STAT4: variants seen among roughly 807,000 people sequenced by gnomAD.
STAT4 encodes the protein signal transducer and activator of transcription 4.
STAT4 carries 42 observed loss-of-function variants against 110.5 expected under a neutral mutation model. The observed-to-expected ratio is 0.38, with a 90% confidence interval of 0.30 to 0.49. STAT4 has a LOEUF of 0.49. Among genes scored for constraint, STAT4 ranks in the 20% least tolerant of loss-of-function variants. The probability of loss-of-function intolerance (pLI) is 0.95; values close to 1 mark genes in which losing one functional copy is unlikely to be tolerated. For synonymous variants in STAT4, 284 were observed against 302.2 expected, an observed-to-expected ratio of 0.94 and a Z score of 0.63; for missense variants, 632 against 887.9, an observed-to-expected ratio of 0.71 and a Z score of 3.66.
chr2:191,067,358 A>G (rs569578207), intron 6 of STAT4, among the ~76,000 whole-genome samples: 1 of 152,144 alleles, frequency 6.6e-6, no homozygotes, highest in East Asian at 1.9e-4. Flanking sequence ...TCTACCTAGA[A>G]ACTGGACCCC....
At chr2:191,054,827 T>C (rs1696633091) in intron 13 of STAT4, among the ~76,000 whole-genome samples, 1 of 152,224 alleles carries the variant, frequency 6.6e-6, no homozygotes, top group Non-Finnish European at 1.5e-5. Flanking sequence ...TCAGAATCTA[T>C]ACAGCACTCC....
intron 14 of STAT4, among the ~76,000 whole-genome samples, chr2:191,047,433 G>A (rs1406731536): frequency 1.3e-5 from 2 of 152,146 alleles, no homozygotes; most frequent in East Asian, 3.8e-4. Context: ...CTGAATTGGG[G>A]GCAGACTTGT....
At chr2:191,127,029 C>T (rs1698900196) in intron 3 of STAT4, among the ~76,000 whole-genome samples, 1 of 151,842 alleles carries the variant, frequency 6.6e-6, no homozygotes, top group Non-Finnish European at 1.5e-5. Flanking sequence ...CTTATGTTGA[C>T]CAGGCTGGAG....
chr2:191,040,527 G>A (rs138817505), intron 15 of STAT4, among the ~76,000 whole-genome samples: 73 of 151,984 alleles, frequency 4.8e-4, no homozygotes, highest in Non-Finnish European at 8.8e-4. Context: ...TATAAAGTTC[G>A]TAATACTCTT....
intron 3 of STAT4, among the ~76,000 whole-genome samples, chr2:191,079,540 A>G (rs566932675): frequency 1.8e-4 from 28 of 152,064 alleles, no homozygotes; most frequent in Middle Eastern, 3.4e-3. Flanking sequence ...TCTGATTCTA[A>G]TGCTTTTGTA....
At chr2:191,064,409 C>T (rs1696929561) in intron 8 of STAT4, among the ~76,000 whole-genome samples, 1 of 152,086 alleles carries the variant, frequency 6.6e-6, no homozygotes, top group Non-Finnish European at 1.5e-5. Flanking sequence ...TATCCCTGAC[C>T]CACATCTTTA....
chr2:191,103,643 CATT>C (rs1412879271), intron 3 of STAT4, among the ~76,000 whole-genome samples: 1 of 151,988 alleles, frequency 6.6e-6, no homozygotes, highest in African/African-American at 2.4e-5. Context: ...AAATGGTAGT[CATT>C]ATTATGGTTA....
intron 3 of STAT4, among the ~76,000 whole-genome samples, chr2:191,089,249 CA>C (rs1212456473): frequency 1.3e-5 from 2 of 151,960 alleles, no homozygotes; most frequent in Non-Finnish European, 2.9e-5. Flanking sequence ...GGCCAAATAC[CA>C]TAATAGATGT....
intron 3 of STAT4, among the ~76,000 whole-genome samples, chr2:191,130,736 T>G (rs1244090543): frequency 6.6e-6 from 1 of 151,780 alleles, no homozygotes; most frequent in Non-Finnish European, 1.5e-5. Context: ...TGATTTCTTT[T>G]AATTTGTGGT....
chr2:191,039,699 C>T lies in STAT4; in HGVS notation c.1336-402G>A, dbSNP rs1021759074. On this transcript the variant is annotated intron_variant, in intron 15 of 23. Transcript: ENST00000392320. This position sits in a 1 kb window ranked among gnomAD's most constrained non-coding sequence, Gnocchi z 4.7. ...AGTTTATCTCTGGAATGAATCAGTA[C>T]CTTCAAATTATGACCTAACACCTAA... Among the ~76,000 whole-genome samples, 2 of 152,142 alleles carry T rather than the reference C, an allele frequency of 1.3e-5. No individual in the cohort carries two copies. The highest frequency in any genetic ancestry group is 2.9e-5 in the Non-Finnish European group (2 of 68,026).
At chr2:191,111,077 C>T (rs751911217) in intron 3 of STAT4, among the ~76,000 whole-genome samples, 3 of 152,054 alleles carry the variant, frequency 2.0e-5, no homozygotes, top group Non-Finnish European at 2.9e-5. Flanking sequence ...TGAGCCACCA[C>T]GGCCAGTGAA....
rs565367612 is a variant in STAT4, at chr2:191,112,245, T to C, written c.273+34368A>G. Among the ~76,000 whole-genome samples the C allele has an allele frequency of 2.0e-5, 3 of 152,292 alleles. No homozygotes were observed. Among genetic ancestry groups the C allele is most frequent in the African/African-American group, 7.2e-5 (3 of 41,560 alleles). ...ACCTACATGTATGTAACATTTGGGG[T>C]GTAGACTCTGGATTCAAAGAAAACC... On this transcript the variant is annotated intron_variant, in intron 3 of 23. Coordinates refer to ENST00000392320, the MANE Select transcript of STAT4 (RefSeq NM_003151.4). This position sits in a 1 kb window ranked among gnomAD's most constrained non-coding sequence, Gnocchi z 4.3.
At chr2:191,063,876 T>A (rs1696914226) in intron 8 of STAT4, among the ~76,000 whole-genome samples, 1 of 152,194 alleles carries the variant, frequency 6.6e-6, no homozygotes, top group Admixed American at 6.5e-5. Flanking sequence ...GGGCAGAGCT[T>A]TTAGTGAGGG....
chr2:191,134,899 T>C (rs1226664980), intron 3 of STAT4, among the ~76,000 whole-genome samples: 1 of 151,272 alleles, frequency 6.6e-6, no homozygotes, highest in Non-Finnish European at 1.5e-5. Flanking sequence ...AAACAACATA[T>C]CCAAATCTAT....
At position 191,066,524 on chromosome 2, in the gene STAT4, G is replaced by T. The variant is rs1361149507; in HGVS notation, c.545-9C>A. On this transcript the variant is annotated splice_polypyrimidine_tract_variant and intron_variant, in intron 6 of 23. Coordinates refer to ENST00000392320, the MANE Select transcript of STAT4 (RefSeq NM_003151.4). This position sits in a 1 kb window ranked among gnomAD's most constrained non-coding sequence, Gnocchi z 4.3. ...ATTCTTGTCACTCTGATCTGCAAAG[G>T]TAAAGAGATCAGATTTAGAGTTCTC... The T allele has an allele frequency of 1.2e-6, 2 of 1,611,584 alleles. No homozygotes were observed. Among genetic ancestry groups the T allele is most frequent in the Non-Finnish European group, 1.7e-6 (2 of 1,178,392 alleles).
At position 191,060,368 on chromosome 2, in the gene STAT4, G is replaced by A. The variant is rs1290915062; in HGVS notation, c.1034+1361C>T. On this transcript the variant is annotated intron_variant, in intron 10 of 23. Coordinates refer to ENST00000392320, the MANE Select transcript of STAT4 (RefSeq NM_003151.4). The surrounding 1 kb of genome is among the most constrained non-coding windows in gnomAD (Gnocchi z 4.5). ...CCGAGTTATACAGAGATGTCGGAAT[G>A]AGGAAGGAACAATTTTTGAGAAGAA... Among the ~76,000 whole-genome samples, 1 of 152,184 alleles carries A rather than the reference G, an allele frequency of 6.6e-6. No individual in the cohort carries two copies. The highest frequency in any genetic ancestry group is 1.5e-5 in the Non-Finnish European group (1 of 68,028).
intron 3 of STAT4, among the ~76,000 whole-genome samples, chr2:191,089,373 T>C (rs1426499031): frequency 6.6e-6 from 1 of 152,150 alleles, no homozygotes; most frequent in Non-Finnish European, 1.5e-5. Context: ...AATGCATCTA[T>C]CAGAACAATC....
At chr2:191,081,201 A>G (rs1574137768) in intron 3 of STAT4, among the ~76,000 whole-genome samples, 1 of 152,200 alleles carries the variant, frequency 6.6e-6, no homozygotes, top group Non-Finnish European at 1.5e-5. Context: ...ATAGTATTCC[A>G]TGGTGTATAT....
intron 3 of STAT4, among the ~76,000 whole-genome samples, chr2:191,122,338 A>G (rs1359912081): frequency 1.3e-5 from 2 of 152,114 alleles, no homozygotes; most frequent in Non-Finnish European, 2.9e-5. Context: ...AAAAAAAAAA[A>G]AAAGACTGGC....
Sources: gnomAD v4.1 joint callset for allele counts (sites outside exome capture counted in the v4.1 genomes callset) on GRCh38, gnomAD v4.1.1 for gene constraint, Gnocchi (gnomAD v3.1) non-coding constraint, MANE v1.5 for transcripts, NCBI Gene and HGNC (gene_info 2026-07-23, HGNC 2026-07-21) for gene names.